Variants in TRPM3 observed in about 807,000 individuals in gnomAD.
The protein encoded by TRPM3 is transient receptor potential cation channel subfamily M member 3.
A neutral mutation model predicts 181.2 loss-of-function variants in TRPM3; 77 were observed. That is an observed-to-expected ratio of 0.42 (90% CI 0.35 to 0.51). The LOEUF is 0.51. TRPM3 is among the 20% of genes least tolerant of loss of function. The pLI is 0.01. For synonymous variants in TRPM3, 745 were observed against 796.4 expected, an observed-to-expected ratio of 0.94 and a Z score of 1.09; for missense variants, 1,759 against 2,196.7, an observed-to-expected ratio of 0.80 and a Z score of 3.98.
At chr9:70,638,869 G>T (rs1215941009) in intron 11 of TRPM3, among the ~76,000 whole-genome samples, 191 bp downstream of exon 11, 1 of 152,124 alleles carries the variant, frequency 6.6e-6, no homozygotes, top group Admixed American at 6.6e-5. Flanking sequence ...GCTGACAACT[G>T]AGCAATTAAA....
chr9:71,144,302 C>G (rs575296401), intron 1 of TRPM3, among the ~76,000 whole-genome samples: 4 of 152,210 alleles, frequency 2.6e-5, no homozygotes, highest in African/African-American at 9.6e-5. Context: ...CGTAATTTAC[C>G]CAATATTGGC....
At chr9:71,104,797 T>C (rs1382758308) in intron 1 of TRPM3, among the ~76,000 whole-genome samples, 1 of 152,154 alleles carries the variant, frequency 6.6e-6, no homozygotes, top group Non-Finnish European at 1.5e-5. Flanking sequence ...GAGAAAAAGC[T>C]ATACAGAATG....
At chr9:70,559,152 G>A (rs913668024) in intron 22 of TRPM3, among the ~76,000 whole-genome samples, 1 of 152,130 alleles carries the variant, frequency 6.6e-6, no homozygotes, top group Admixed American at 6.6e-5. Context: ...CAAGATTTTT[G>A]TCTCTCTTGT....
At chr9:70,553,652 G>A (rs1400453102) in intron 22 of TRPM3, among the ~76,000 whole-genome samples, 1 of 152,180 alleles carries the variant, frequency 6.6e-6, no homozygotes, top group South Asian at 2.1e-4. Context: ...AACTTTTCTT[G>A]GGTGTGCCCA....
intron 1 of TRPM3, among the ~76,000 whole-genome samples, chr9:71,295,752 T>C (rs1012196800): frequency 6.9e-6 from 1 of 144,570 alleles, no homozygotes; most frequent in Non-Finnish European, 1.5e-5. Context: ...GATGGGAAGA[T>C]CCCTTGAGCC....
chr9:70,686,281 CTTAT>C (rs1445640359), intron 8 of TRPM3, among the ~76,000 whole-genome samples: 1 of 152,058 alleles, frequency 6.6e-6, no homozygotes, highest in Non-Finnish European at 1.5e-5. Flanking sequence ...TGTACCATGA[CTTAT>C]TTAGCCAGTC....
intron 1 of TRPM3, among the ~76,000 whole-genome samples, chr9:70,979,817 G>GGGCT (rs762169162): frequency 3.9e-5 from 6 of 152,112 alleles, no homozygotes; most frequent in Non-Finnish European, 5.9e-5. Context: ...TTTCTCATGG[G>GGGCT]GGCTTCTCTC....
intron 21 of TRPM3, among the ~76,000 whole-genome samples, chr9:70,596,088 A>G (rs1230769150): frequency 6.6e-6 from 1 of 152,204 alleles, no homozygotes; most frequent in Non-Finnish European, 1.5e-5. Context: ...TAACAGATAT[A>G]ATTTGTCAAC....
At chr9:71,419,361 G>A (rs950784109) in intron 1 of TRPM3, among the ~76,000 whole-genome samples, 1 of 151,888 alleles carries the variant, frequency 6.6e-6, no homozygotes, top group African/African-American at 2.4e-5. Flanking sequence ...TTTCAAGACT[G>A]AGAAATTTAT....
chr9:70,847,906 T>C (rs1231988777), intron 3 of TRPM3, among the ~76,000 whole-genome samples: 1 of 152,230 alleles, frequency 6.6e-6, no homozygotes, highest in Non-Finnish European at 1.5e-5. Flanking sequence ...ATGGAGATTC[T>C]CTGTGGAAGA....
intron 1 of TRPM3, among the ~76,000 whole-genome samples, chr9:71,025,014 C>T (rs915925463): frequency 2.6e-5 from 4 of 152,104 alleles, no homozygotes; most frequent in Admixed American, 2.0e-4. Context: ...CTCACTGAAC[C>T]CTGTCTCTTT....
At chr9:71,239,215 G>T (rs963623152) in intron 1 of TRPM3, among the ~76,000 whole-genome samples, 2 of 152,096 alleles carry the variant, frequency 1.3e-5, no homozygotes, top group Non-Finnish European at 2.9e-5. Flanking sequence ...CAAAATAGAA[G>T]AACAAGTTTA....
chr9:71,428,241 GC>G (rs2093900679), intron 1 of TRPM3, among the ~76,000 whole-genome samples: 1 of 148,256 alleles, frequency 6.7e-6, no homozygotes, highest in African/African-American at 2.5e-5. Flanking sequence ...ACAGGCGCCC[GC>G]CACCATGCCC....
chr9:71,079,496 ATTTG>A (rs1280469571), intron 1 of TRPM3, among the ~76,000 whole-genome samples: 4 of 152,084 alleles, frequency 2.6e-5, no homozygotes, highest in Non-Finnish European at 5.9e-5. Flanking sequence ...CTTCCAGGAG[ATTTG>A]TTTATTTATT....
intron 1 of TRPM3, among the ~76,000 whole-genome samples, chr9:71,401,243 T>C (rs2093336709): frequency 6.7e-6 from 1 of 149,812 alleles, no homozygotes; most frequent in Non-Finnish European, 1.5e-5. Context: ...TAGTAACCTC[T>C]GCTTTCAAGG....
At chr9:70,803,120 G>A (rs925876909) in intron 6 of TRPM3, among the ~76,000 whole-genome samples, 1 of 150,484 alleles carries the variant, frequency 6.6e-6, no homozygotes, top group Admixed American at 6.6e-5. Context: ...TGTCTTTGAT[G>A]GGGGAGAAGT....
intron 1 of TRPM3, among the ~76,000 whole-genome samples, chr9:71,442,988 T>C (rs534542618): frequency 6.6e-6 from 1 of 152,240 alleles, no homozygotes; most frequent in Non-Finnish European, 1.5e-5. Flanking sequence ...ACACAGACAG[T>C]ATTTAAAACA....
At chr9:71,420,999 A>AAC (rs2093759801) in intron 1 of TRPM3, among the ~76,000 whole-genome samples, 5 of 111,038 alleles carry the variant, frequency 4.5e-5, no homozygotes, top group African/African-American at 6.6e-5. Flanking sequence ...GAGAGAGAAA[A>AAC]AGAGAGAAAA....
chr9:71,067,291 A>G (rs1228560192), intron 1 of TRPM3, among the ~76,000 whole-genome samples: 1 of 152,234 alleles, frequency 6.6e-6, no homozygotes, highest in Admixed American at 6.5e-5. Context: ...GAAAGTACCA[A>G]GCAAAAATTA....
Sources: allele counts gnomAD v4.1 joint callset (sites outside exome capture counted in the v4.1 genomes callset), GRCh38; gene constraint gnomAD v4.1.1; transcripts MANE v1.5; gene names NCBI Gene and HGNC (gene_info 2026-07-23, HGNC 2026-07-21).